OCIAD1: variants seen among roughly 807,000 people sequenced by gnomAD.
The protein encoded by OCIAD1 is OCIA domain containing 1, also known as OCIA domain-containing protein 1.
A neutral mutation model predicts 38.9 loss-of-function variants in OCIAD1; 29 were observed. That is an observed-to-expected ratio of 0.74 (90% CI 0.55 to 1.02). The LOEUF is 1.02. OCIAD1 is among the 50% of genes least tolerant of loss of function. The pLI is 0.00. For synonymous variants in OCIAD1, 110 were observed against 92.0 expected (o/e 1.20, Z -1.12); for missense variants, 288 against 289.6 (o/e 0.99, Z 0.04).
At chr4:48,806,673 T>C (rs1777027611) in intron 1 of OCIAD1, among the ~76,000 whole-genome samples, 1 of 152,148 alleles carries the variant, frequency 6.6e-6, no homozygotes, top group Admixed American at 6.5e-5. Context: ...TGGAGCAATC[T>C]TGGCTCATTG....
intron 1 of OCIAD1, among the ~76,000 whole-genome samples, chr4:48,822,109 A>G (rs1777200445): frequency 6.6e-6 from 1 of 152,256 alleles, no homozygotes. Context: ...CAAAAAGAAC[A>G]AAGCTGGAGG....
chr4:48,845,914 A>G (rs1340212408), intron 4 of OCIAD1, among the ~76,000 whole-genome samples: 1 of 152,260 alleles, frequency 6.6e-6, no homozygotes, highest in Non-Finnish European at 1.5e-5. Context: ...TTAACCTTCA[A>G]CAAATCTGTT....
intron 7 of OCIAD1, among the ~76,000 whole-genome samples, chr4:48,853,838 G>A (rs1779756279): frequency 6.6e-6 from 1 of 152,198 alleles, no homozygotes; most frequent in Non-Finnish European, 1.5e-5. Context: ...GGGCAAAGGG[G>A]TGAGTATTAG....
intron 1 of OCIAD1, among the ~76,000 whole-genome samples, chr4:48,810,535 G>T (rs949242867): frequency 6.7e-6 from 1 of 150,104 alleles, no homozygotes; most frequent in African/African-American, 2.4e-5. Context: ...CTCGAACTTC[G>T]TGGGCTCAAG....
intron 1 of OCIAD1, among the ~76,000 whole-genome samples, chr4:48,822,746 T>C (rs1023921999): frequency 1.1e-4 from 16 of 152,126 alleles, no homozygotes; most frequent in African/African-American, 3.6e-4. Flanking sequence ...AACAGACACT[T>C]CTCAAAAGAA....
chr4:48,807,155 C>T (rs887571074), intron 1 of OCIAD1, among the ~76,000 whole-genome samples: 4 of 152,070 alleles, frequency 2.6e-5, no homozygotes, highest in Non-Finnish European at 4.4e-5. Context: ...GATCCTCCTG[C>T]CTCAACCTCC....
intron 7 of OCIAD1, among the ~76,000 whole-genome samples, chr4:48,854,678 A>G (rs144530578): frequency 1.2e-4 from 19 of 152,302 alleles, no homozygotes; most frequent in African/African-American, 4.3e-4. Context: ...CCATCCATCC[A>G]TCCACTGCTC....
chr4:48,849,907 G>A, intron 5 of OCIAD1, 40 bp from the exon 6 acceptor site: 1 of 1,545,680 alleles, frequency 6.5e-7, no homozygotes, highest in South Asian at 1.2e-5. Context: ...TGTCTGAAAG[G>A]CACATTCAGT....
chr4:48,858,947 A>G (rs992693062), intron 8 of OCIAD1, among the ~76,000 whole-genome samples: 2 of 152,202 alleles, frequency 1.3e-5, no homozygotes, highest in African/African-American at 2.4e-5. Context: ...CTATTTCAGT[A>G]TAGGGTTTTA....
chr4:48,855,949 G>A (rs1780001340), intron 7 of OCIAD1: 1 of 152,062 alleles, frequency 6.6e-6, no homozygotes, highest in Admixed American at 6.6e-5. Flanking sequence ...TTTTTAAAAA[G>A]TTAATATTAA....
chr4:48,806,708 C>T (rs552343469), intron 1 of OCIAD1, among the ~76,000 whole-genome samples: 4 of 152,068 alleles, frequency 2.6e-5, no homozygotes, highest in Admixed American at 1.3e-4. Context: ...CAGGTTCAAG[C>T]GATTCTCCTG....
chr4:48,815,052 G>A (rs1410047674), intron 1 of OCIAD1, among the ~76,000 whole-genome samples: 1 of 152,164 alleles, frequency 6.6e-6, no homozygotes, highest in Non-Finnish European at 1.5e-5. Flanking sequence ...AGTGGCTCAC[G>A]CCTGTAATCT....
chr4:48,840,676 T>C (rs1314205819), intron 3 of OCIAD1, among the ~76,000 whole-genome samples: 2 of 152,118 alleles, frequency 1.3e-5, no homozygotes, highest in East Asian at 3.9e-4. Context: ...TTTGTATGCA[T>C]GAGCTAAGAA....
chr4:48,858,828 A>G (rs1780334801), intron 8 of OCIAD1, among the ~76,000 whole-genome samples: 1 of 152,210 alleles, frequency 6.6e-6, no homozygotes, highest in Admixed American at 6.5e-5. Context: ...GAATTTTTAA[A>G]TCCTGGTTTC....
At chr4:48,808,317 A>C (rs539780495) in intron 1 of OCIAD1, among the ~76,000 whole-genome samples, 23 of 152,204 alleles carry the variant, frequency 1.5e-4, no homozygotes, top group African/African-American at 5.3e-4. Context: ...AAAATACAAA[A>C]AAATTAGCTG....
intron 8 of OCIAD1, 102 bp downstream of exon 8, chr4:48,857,467 C>T: frequency 3.2e-6 from 2 of 625,846 alleles, no homozygotes; most frequent in Non-Finnish European, 4.9e-6. Flanking sequence ...TGATTTAACT[C>T]TTCAAGCAAT....
intron 2 of OCIAD1, 78 bp from the exon 3 acceptor site, chr4:48,833,323 T>TA (rs1777695475): frequency 1.2e-6 from 1 of 842,234 alleles, no homozygotes; most frequent in African/African-American, 1.7e-5. Flanking sequence ...CTCTTGTTAA[T>TA]GTTTAGGCTA....
At chr4:48,822,094 C>T (rs187587974) in intron 1 of OCIAD1, among the ~76,000 whole-genome samples, 12 of 152,286 alleles carry the variant, frequency 7.9e-5, no homozygotes, top group African/African-American at 2.9e-4. Flanking sequence ...CAAGACAATC[C>T]TAAGCAAAAA....
rs6826828 is a variant in OCIAD1 at position 48,858,515 on chromosome 4, G to A, written c.700+1150G>A. 7.2e-3 allele frequency among the ~76,000 whole-genome samples: 1,097 copies of A among 152,274 alleles called. 17 individuals are homozygous for A. The highest frequency in any genetic ancestry group is 0.025 in the African/African-American group (1,054 of 41,536). On this transcript the variant is annotated intron_variant, in intron 8 of 8. Transcript: ENST00000264312. The stretch of plus-strand genomic sequence containing the variant: ...GTCACCCAGGCTGGAGTGCAGTGGT[G>A]TAATCATGGCTTACTGCAGTCTTGA...
Sources: gnomAD v4.1 joint callset for allele counts (sites outside exome capture counted in the v4.1 genomes callset) on GRCh38, gnomAD v4.1.1 for gene constraint, MANE v1.5 for transcripts, NCBI Gene and HGNC (gene_info 2026-07-23, HGNC 2026-07-21) for gene names.